The following GLRA3 variants were observed in gnomAD, a reference collection of about 807,000 sequenced individuals.
GLRA3 encodes glycine receptor subunit alpha-3.
In GLRA3, 44 loss-of-function variants were observed where a neutral mutation model predicts 60.4. The observed-to-expected ratio is 0.73, with a 90% CI of 0.57 to 0.94. The LOEUF (loss-of-function observed/expected upper bound fraction) is 0.94. Among genes scored for constraint, GLRA3 ranks in the 40% least tolerant of loss-of-function variants. GLRA3 has a pLI of 0.00. For missense variants in GLRA3, 508 were observed against 564.6 expected (o/e 0.90, Z 1.02); for synonymous variants, 223 against 192.9 (o/e 1.16, Z -1.29).
chr4:174,688,040 G>T, intron 5 of GLRA3, among the ~76,000 whole-genome samples: 1 of 151,734 alleles, frequency 6.6e-6, no homozygotes, highest in East Asian at 1.9e-4. Context: ...TTCTGCAGTG[G>T]TCCACAAGGA....
At chr4:174,667,974 C>A (rs774270026) in intron 7 of GLRA3, among the ~76,000 whole-genome samples, 5 of 152,038 alleles carry the variant, frequency 3.3e-5, no homozygotes, top group Non-Finnish European at 7.4e-5. Flanking sequence ...GTAGTTCCAT[C>A]GTGGGGTTGG....
At chr4:174,660,558 T>C (rs1733395855) in intron 7 of GLRA3, among the ~76,000 whole-genome samples, 1 of 152,226 alleles carries the variant, frequency 6.6e-6, no homozygotes. Context: ...GGTTGCTCTA[T>C]TATAAAATTG....
chr4:174,682,045 G>T (rs1383088724), intron 6 of GLRA3, among the ~76,000 whole-genome samples: 4 of 152,296 alleles, frequency 2.6e-5, no homozygotes, highest in Admixed American at 2.0e-4. Flanking sequence ...ATGAATCATA[G>T]TTACTGTAAT....
At chr4:174,745,453 T>C (rs1296747192) in intron 3 of GLRA3, among the ~76,000 whole-genome samples, 1 of 152,200 alleles carries the variant, frequency 6.6e-6, no homozygotes, top group Non-Finnish European at 1.5e-5. Context: ...GCACTTACTA[T>C]GTATTTTCAC....
At chr4:174,668,346 C>A (rs758875993) in intron 7 of GLRA3, among the ~76,000 whole-genome samples, 1 of 152,074 alleles carries the variant, frequency 6.6e-6, no homozygotes, top group Non-Finnish European at 1.5e-5. Context: ...TACTTTTGCA[C>A]GAACTTTTGA....
chr4:174,660,542 C>T (rs1236720643), intron 7 of GLRA3, among the ~76,000 whole-genome samples: 4 of 152,158 alleles, frequency 2.6e-5, no homozygotes, highest in African/African-American at 9.7e-5. Flanking sequence ...AAGGTAATGT[C>T]TGCTAGGTTG....
chr4:174,662,959 T>C (rs1733512814), intron 7 of GLRA3, among the ~76,000 whole-genome samples: 1 of 151,928 alleles, frequency 6.6e-6, no homozygotes, highest in African/African-American at 2.4e-5. Flanking sequence ...GACAGATAAA[T>C]GAAGGCATTA....
chr4:174,708,689 A>G (rs1200404847), intron 5 of GLRA3, among the ~76,000 whole-genome samples: 1 of 149,688 alleles, frequency 6.7e-6, no homozygotes, highest in Non-Finnish European at 1.5e-5. Flanking sequence ...CTACAGAATT[A>G]GACCCTTTAT....
chr4:174,662,433 G>C (rs1266269731), intron 7 of GLRA3, among the ~76,000 whole-genome samples: 1 of 152,110 alleles, frequency 6.6e-6, no homozygotes, highest in African/African-American at 2.4e-5. Flanking sequence ...AAACTAATTT[G>C]CCCTACTTCT....
In GLRA3 at chr4:174,699,104, T is replaced by C. The variant is rs58439013; in HGVS notation, c.575-16165A>G. 9.3e-3 allele frequency among the ~76,000 whole-genome samples: 1,409 copies of C among 152,022 alleles called. 24 individuals are homozygous for C. The highest frequency in any genetic ancestry group is 0.033 in the African/African-American group (1,351 of 41,446). On this transcript the variant is annotated intron_variant, in intron 5 of 9. Coordinates refer to ENST00000274093, the MANE Select transcript of GLRA3 (RefSeq NM_006529.4). Reference sequence around the variant, plus strand: ...CCTCCACTTCCCAGGTTCAAGTGATTCTCCTGTCTCGGCCACCTGAGCAAC... The same window carrying C: ...CCTCCACTTCCCAGGTTCAAGTGATCCTCCTGTCTCGGCCACCTGAGCAAC...
At chr4:174,778,912 C>T (rs1738738242) in intron 2 of GLRA3, among the ~76,000 whole-genome samples, 1 of 152,186 alleles carries the variant, frequency 6.6e-6, no homozygotes. Context: ...CCGCCATTGC[C>T]CAGGCTTGCT....
At chr4:174,748,234 C>G (rs116607604) in intron 3 of GLRA3, among the ~76,000 whole-genome samples, 2 of 152,124 alleles carry the variant, frequency 1.3e-5, no homozygotes, top group African/African-American at 4.8e-5. Flanking sequence ...CAAAGTAAGA[C>G]AGTTTTCAAG....
At chr4:174,676,022 A>G (rs1734103874) in intron 7 of GLRA3, among the ~76,000 whole-genome samples, 1 of 152,192 alleles carries the variant, frequency 6.6e-6, no homozygotes, top group African/African-American at 2.4e-5. Context: ...CTTCATTTCA[A>G]TGAAAGTAAT....
At chr4:174,812,357 G>A (rs1740307400) in intron 1 of GLRA3, among the ~76,000 whole-genome samples, 1 of 152,054 alleles carries the variant, frequency 6.6e-6, no homozygotes, top group South Asian at 2.1e-4. Context: ...TGAACCAGCA[G>A]AGTAGGGACT....
intron 1 of GLRA3, among the ~76,000 whole-genome samples, chr4:174,795,176 A>G (rs1349055810): frequency 2.0e-5 from 3 of 151,980 alleles, no homozygotes; most frequent in Non-Finnish European, 4.4e-5. Flanking sequence ...AGGAAGAAAA[A>G]CATACTACCT....
intron 5 of GLRA3, among the ~76,000 whole-genome samples, chr4:174,697,214 G>A (rs1372405508): frequency 1.3e-5 from 2 of 152,124 alleles, no homozygotes; most frequent in Non-Finnish European, 2.9e-5. Flanking sequence ...ATAAATTATA[G>A]ATTCACATTT....
rs376870723 is a variant in GLRA3 at position 174,646,466 on chromosome 4, AG to A, written c.1117-2403del. Among the ~76,000 whole-genome samples the A allele has an allele frequency of 3.8e-3, 585 of 152,292 alleles. 5 individuals carry two copies. Among genetic ancestry groups the A allele is most frequent in the African/African-American group, 0.013 (533 of 41,574 alleles). ...CTTGAAAACAATGGAGATAAGCTAC[AG>A]GGGGAATTGGAGTCGGCCTTTTTTA... On this transcript the variant is annotated intron_variant, in intron 9 of 9. Transcript: ENST00000274093.
intron 1 of GLRA3, among the ~76,000 whole-genome samples, chr4:174,810,020 A>G (rs1740197981): frequency 6.6e-6 from 1 of 152,210 alleles, no homozygotes; most frequent in Non-Finnish European, 1.5e-5. Context: ...ACTCATTTTC[A>G]TCTTCAAATA....
At chr4:174,778,029 T>C (rs1157009728) in intron 2 of GLRA3, among the ~76,000 whole-genome samples, 1 of 152,168 alleles carries the variant, frequency 6.6e-6, no homozygotes, top group African/African-American at 2.4e-5. Context: ...TTATAATTTA[T>C]ATGTGTGTGT....
Sources: gnomAD v4.1 joint callset for allele counts (sites outside exome capture counted in the v4.1 genomes callset) on GRCh38, gnomAD v4.1.1 for gene constraint, MANE v1.5 for transcripts, NCBI Gene and HGNC (gene_info 2026-07-23, HGNC 2026-07-21) for gene names.